LCA5L: variants seen among roughly 807,000 people sequenced by gnomAD.
LCA5L encodes lebercilin-like protein.
Under a neutral mutation model 45.4 loss-of-function variants are expected in LCA5L, and 35 were observed. The observed-to-expected ratio is 0.77, with a 90% CI of 0.59 to 1.02. LCA5L has a LOEUF of 1.02. Ranked by LOEUF, LCA5L falls within the 50% of genes least tolerant of loss-of-function variation. The pLI, the probability that LCA5L is intolerant of heterozygous loss-of-function variation, is 0.00. For missense variants in LCA5L, 668 were observed against 761.6 expected, an observed-to-expected ratio of 0.88 and a Z score of 1.45; for synonymous variants, 233 against 264.7, an observed-to-expected ratio of 0.88 and a Z score of 1.16.
intron 7 of LCA5L, among the ~76,000 whole-genome samples, chr21:39,418,849 T>C (rs1358442784): frequency 6.6e-6 from 1 of 152,188 alleles, no homozygotes; most frequent in African/African-American, 2.4e-5. Flanking sequence ...TATGTCTGCA[T>C]GAGGAAGCAT....
chr21:39,414,243 G>A (rs2040623704), intron 7 of LCA5L: 1 of 152,290 alleles, frequency 6.6e-6, no homozygotes. Context: ...ATTAAGGTCA[G>A]CATTGATGGC....
intron 2 of LCA5L, among the ~76,000 whole-genome samples, chr21:39,441,575 C>T (rs1256222577): frequency 6.6e-6 from 1 of 152,160 alleles, no homozygotes; most frequent in African/African-American, 2.4e-5. Context: ...TACAGACTAG[C>T]TATGCTATGT....
chr21:39,419,425 C>G (rs975307551), intron 7 of LCA5L, among the ~76,000 whole-genome samples: 1 of 148,724 alleles, frequency 6.7e-6, no homozygotes, highest in Non-Finnish European at 1.5e-5. Context: ...CTTGGGAGGC[C>G]GAGGTGGGAA....
intron 7 of LCA5L, among the ~76,000 whole-genome samples, chr21:39,415,874 CCCT>C: frequency 6.6e-6 from 1 of 152,184 alleles, no homozygotes; most frequent in Non-Finnish European, 1.5e-5. Flanking sequence ...TGTTCCTCTC[CCCT>C]CTTCTTTTTT....
intron 10 of LCA5L, among the ~76,000 whole-genome samples, chr21:39,408,884 T>C (rs757313541): frequency 2.0e-5 from 3 of 152,222 alleles, no homozygotes; most frequent in Non-Finnish European, 4.4e-5. Flanking sequence ...TGGAAGTCTT[T>C]ATTCAAAAGT....
At chr21:39,416,950 A>G (rs1300937753) in intron 7 of LCA5L, among the ~76,000 whole-genome samples, 1 of 152,166 alleles carries the variant, frequency 6.6e-6, no homozygotes, top group African/African-American at 2.4e-5. Context: ...CCCTGTCTGC[A>G]GGTTCTGCAT....
chr21:39,420,786 C>G lies in LCA5L; in HGVS notation c.895G>C (p.Glu299Gln), dbSNP rs758983586. The G allele has an allele frequency of 6.2e-7, 1 of 1,613,330 alleles. No individual in the cohort carries two copies. The highest frequency in any genetic ancestry group is 8.5e-7 in the Non-Finnish European group (1 of 1,179,452). Residue 299 changes from glutamate (E) to glutamine (Q), a missense_variant, in exon 7 of 11, where the codon GAG becomes CAG. Glu to Gln is a conservative substitution (Grantham distance 29). Transcript: ENST00000288350. ...TGAGCTGCTAAAGTCTTCCGAGTCT[C>G]AATAGCCAGCTGCCGGCTAAAGGCT... ...CRAFSRQLAI[E>Q]TRKTLAAQTA...
rs1167362232 is a variant in LCA5L at position 39,423,015 on chromosome 21, A to T, written c.798T>A (p.Ile266=). The T allele has an allele frequency of 1.2e-6, 2 of 1,613,940 alleles. No homozygotes were observed. Among genetic ancestry groups the T allele is most frequent in the Non-Finnish European group, 1.7e-6 (2 of 1,179,984 alleles). Reference sequence around the variant, plus strand: ...CATTTGCGTCCATTTTTGTTGTGATAATAGATAATTTATGAGTGAGTTCTT... The same window carrying T: ...CATTTGCGTCCATTTTTGTTGTGATTATAGATAATTTATGAGTGAGTTCTT... ...EREELTHKLS[I]ITTKMDANDK... is the part of the protein sequence containing the mutation. Residue 266 remains isoleucine, a synonymous_variant, in exon 6 of 11, where the codon ATT becomes ATA. Coordinates refer to ENST00000288350, the MANE Select transcript of LCA5L (RefSeq NM_152505.4).
chr21:39,426,974 T>G (rs2074827214), intron 5 of LCA5L, among the ~76,000 whole-genome samples: 1 of 152,232 alleles, frequency 6.6e-6, no homozygotes, highest in Non-Finnish European at 1.5e-5. Flanking sequence ...TAGAATTTCA[T>G]GGGGTTCACA....
At chr21:39,422,034 G>T (rs1042626322) in intron 6 of LCA5L, 1 of 152,136 alleles carries the variant, frequency 6.6e-6, no homozygotes, top group African/African-American at 2.4e-5. Context: ...TATCACTTTG[G>T]TATACAAGAG....
At chr21:39,410,389 T>G (rs1250595051) in intron 8 of LCA5L, 22 bp from the exon 9 acceptor site, 1 of 1,245,910 alleles carries the variant, frequency 8.0e-7, no homozygotes, top group Non-Finnish European at 1.1e-6. Context: ...GTAGATTATA[T>G]GTAAGAAACA....
In LCA5L at chr21:39,409,212, CAT is replaced by C. The variant is rs1282253826; in HGVS notation, c.1282+765_1282+766del. ...GCACTAAGGAAACGCCACATGAAGA[CAT>C]AGTGAGAAGCGGGACATCTAAAGCC... On this transcript the variant is annotated intron_variant, in intron 10 of 10. Coordinates refer to ENST00000288350, the MANE Select transcript of LCA5L (RefSeq NM_152505.4). This position sits in a 1 kb window ranked among gnomAD's most constrained non-coding sequence, Gnocchi z 4.2. 2.0e-5 allele frequency among the ~76,000 whole-genome samples: 3 copies of C among 152,118 alleles called. No individual in the cohort carries two copies. The highest frequency in any genetic ancestry group is 4.4e-5 in the Non-Finnish European group (3 of 68,012).
At position 39,424,351 on chromosome 21, in the gene LCA5L, C is replaced by T. The variant is rs559340076; in HGVS notation, c.323-861G>A. 7.6e-4 allele frequency among the ~76,000 whole-genome samples: 116 copies of T among 152,256 alleles called. 1 individual carries two copies. The highest frequency in any genetic ancestry group is 2.7e-3 in the African/African-American group (114 of 41,554). ...TGAAAAGTAGCCTAACATGGTGGCA[C>T]ATGCCTATAGTCCTAGCTCCTCAGG... On this transcript the variant is annotated intron_variant, in intron 5 of 10. Coordinates refer to ENST00000288350, the MANE Select transcript of LCA5L (RefSeq NM_152505.4).
chr21:39,408,387 C>T (rs754759071), intron 10 of LCA5L, among the ~76,000 whole-genome samples: 3 of 152,110 alleles, frequency 2.0e-5, no homozygotes, highest in Non-Finnish European at 2.9e-5. Context: ...GAGGACTTGG[C>T]TTAGGAAAGA....
intron 7 of LCA5L, among the ~76,000 whole-genome samples, chr21:39,419,055 ATTTT>A (rs1189704130): frequency 6.6e-6 from 1 of 151,748 alleles, no homozygotes; most frequent in African/African-American, 2.4e-5. Flanking sequence ...CAAAGGGAAA[ATTTT>A]CTTTCTTTCA....
rs1449949938 is a variant in LCA5L, at chr21:39,409,215, A to AGT, written c.1282+762_1282+763dup. ...CTAAGGAAACGCCACATGAAGACATAGTGAGAAGCGGGACATCTAAAGCCA... is the reference window on the plus strand; with the variant it reads ...CTAAGGAAACGCCACATGAAGACATAGTGTGAGAAGCGGGACATCTAAAGCCA... On this transcript the variant is annotated intron_variant, in intron 10 of 10. Coordinates refer to ENST00000288350, the MANE Select transcript of LCA5L (RefSeq NM_152505.4). The surrounding 1 kb of genome is among the most constrained non-coding windows in gnomAD (Gnocchi z 4.2). Among the ~76,000 whole-genome samples the AGT allele has an allele frequency of 6.6e-6, 1 of 152,184 alleles. No homozygotes were observed. The highest frequency in any genetic ancestry group is 1.9e-4 in the East Asian group (1 of 5,202).
chr21:39,432,377 C>A (rs1286299641), intron 3 of LCA5L, among the ~76,000 whole-genome samples: 1 of 152,004 alleles, frequency 6.6e-6, no homozygotes, highest in Admixed American at 6.6e-5. Flanking sequence ...GAATTTTGTA[C>A]CTGATTCGCT....
Position 39,434,671 on chromosome 21 carries a change from C to T in LCA5L, c.-92+749G>A, listed in dbSNP as rs1000875928. ...TAGCTGGGATTACAGGCACATACCA[C>T]CATGCCTGGCTAATATTTTTAGTTT... On this transcript the variant is annotated intron_variant, in intron 3 of 10. Transcript: ENST00000288350. Among the ~76,000 whole-genome samples, 7 of 152,234 alleles carry T rather than the reference C, an allele frequency of 4.6e-5. No individual in the cohort carries two copies. The East Asian group carries it at 1.4e-3, about 29-fold the overall frequency.
intron 5 of LCA5L, 98 bp from the exon 6 acceptor site, chr21:39,423,588 C>T: frequency 2.0e-6 from 2 of 990,418 alleles, no homozygotes; most frequent in South Asian, 3.7e-5. Context: ...CATGCACACA[C>T]ACCACACACA....
Sources: gnomAD v4.1 joint callset for allele counts (sites outside exome capture counted in the v4.1 genomes callset) on GRCh38, gnomAD v4.1.1 for gene constraint, Gnocchi (gnomAD v3.1) non-coding constraint, MANE v1.5 for transcripts, NCBI Gene and HGNC (gene_info 2026-07-23, HGNC 2026-07-21) for gene names.